The following SLC22A25 variants were observed in gnomAD, a reference collection of about 807,000 sequenced individuals.
The protein encoded by SLC22A25 is MGI:2442751, MGI:2385316, MGI:3042283, MGI:3645714, MGI:3605624, MGI:2442750.
In SLC22A25, 44 loss-of-function variants were observed where a neutral mutation model predicts 45.9. The ratio of observed to expected loss-of-function variants is 0.96; its 90% CI spans 0.75 to 1.23. The LOEUF is 1.23. Ranked by LOEUF, SLC22A25 falls within the 50% of genes most tolerant of loss-of-function variation. SLC22A25 has a pLI of 0.00. For missense variants in SLC22A25, 800 were observed against 666.4 expected, an observed-to-expected ratio of 1.20 and a Z score of -2.21; for synonymous variants, 283 against 238.6, an observed-to-expected ratio of 1.19 and a Z score of -1.72.
chr11:63,230,914 C>T (rs2090056075), intron 3 of SLC22A25, among the ~76,000 whole-genome samples: 1 of 151,774 alleles, frequency 6.6e-6, no homozygotes, highest in South Asian at 2.1e-4. Flanking sequence ...GGTTTTTTGT[C>T]CTTGAGATAG....
At chr11:63,193,943 A>T (rs1017917603) in intron 7 of SLC22A25, among the ~76,000 whole-genome samples, 1 of 152,220 alleles carries the variant, frequency 6.6e-6, no homozygotes, top group Non-Finnish European at 1.5e-5. Flanking sequence ...GGCTAACTAG[A>T]ATAAACAGTG....
At chr11:63,189,565 G>A (rs2088712172) in intron 7 of SLC22A25, among the ~76,000 whole-genome samples, 1 of 152,170 alleles carries the variant, frequency 6.6e-6, no homozygotes, top group African/African-American at 2.4e-5. Flanking sequence ...ATATTGTTAT[G>A]TGTGAATTTG....
At chr11:63,217,772 A>G (rs2089755879) in intron 5 of SLC22A25, 37 bp from the exon 6 acceptor site, 1 of 1,568,266 alleles carries the variant, frequency 6.4e-7, no homozygotes, top group Admixed American at 2.0e-5. Flanking sequence ...TGGGAACAAT[A>G]ACAACCTTTG....
Position 63,162,731 on chromosome 11 carries a change from T to C in SLC22A25, c.*1093A>G, listed in dbSNP as rs2087556200. Among the ~76,000 whole-genome samples, 1 of 152,216 alleles carries C rather than the reference T, an allele frequency of 6.6e-6. No homozygotes were observed. Among genetic ancestry groups the C allele is most frequent in the East Asian group, 1.9e-4 (1 of 5,204 alleles). ...GTTATGATTTTCTTCAAACTTCTTATGATTATTTGTAGATATTTTATATTT... is the reference window on the plus strand; with the variant it reads ...GTTATGATTTTCTTCAAACTTCTTACGATTATTTGTAGATATTTTATATTT... On this transcript the variant is annotated 3_prime_UTR_variant, in exon 12 of 12. Coordinates refer to ENST00000306494, the MANE Select transcript of SLC22A25 (RefSeq NM_199352.6).
At chr11:63,233,079 A>G (rs529864233) in intron 3 of SLC22A25, among the ~76,000 whole-genome samples, 14 of 152,270 alleles carry the variant, frequency 9.2e-5, no homozygotes, top group African/African-American at 3.4e-4. Flanking sequence ...CATCAAGGAT[A>G]TTGGTCTAAA....
rs2155324 is a variant in SLC22A25, at chr11:63,163,210, A to G, written c.*614T>C. ...CTCACACTTGGACACCATGGCATTG[A>G]CCAAAGGGATTTTGGAAAAGGCAAG... On this transcript the variant is annotated 3_prime_UTR_variant, in exon 12 of 12. Transcript: ENST00000306494. Among the ~76,000 whole-genome samples the G allele has an allele frequency of 0.025, 3,878 of 152,284 alleles. 65 individuals are homozygous for G. The highest frequency in any genetic ancestry group is 0.051 in the Middle Eastern group (15 of 294).
intron 5 of SLC22A25, among the ~76,000 whole-genome samples, chr11:63,227,659 C>CAAGGA (rs2089988716): frequency 6.6e-6 from 1 of 152,232 alleles, no homozygotes; most frequent in Non-Finnish European, 1.5e-5. Flanking sequence ...AAGCTGTTTT[C>CAAGGA]TCATTAGATC....
In SLC22A25 at chr11:63,160,244, A is replaced by G. The variant is rs1939761; in HGVS notation, c.*3580T>C. Among the ~76,000 whole-genome samples, 149,325 of 152,316 alleles carry G rather than the reference A, an allele frequency of 0.98. 73,263 individuals are homozygous for G. The highest frequency in any genetic ancestry group is 1 in the East Asian group (5,168 of 5,168). ...CCTTTGTGACAGCCCTTCCTATCAC[A>G]GGCCTGGAGGCCTAGGAGGTCCAGG... On this transcript the variant is annotated 3_prime_UTR_variant, in exon 12 of 12. Transcript: ENST00000306494.
Position 63,185,894 on chromosome 11 carries a change from T to C in SLC22A25, c.831-2077A>G, listed in dbSNP as rs1453381873. ...GAACTCATCATTTTTTATGGCTGCA[T>C]AGTATTCCATGGTGTATATGTGCCA... On this transcript the variant is annotated intron_variant, in intron 7 of 11. Coordinates refer to ENST00000306494, the MANE Select transcript of SLC22A25 (RefSeq NM_199352.6). Among the ~76,000 whole-genome samples the C allele has an allele frequency of 1.2e-4, 18 of 150,550 alleles. No individual in the cohort carries two copies. The East Asian group carries it at 3.5e-3, about 29-fold the overall frequency.
Position 63,166,848 on chromosome 11 carries a change from AT to A in SLC22A25, c.1071-591del. 7.1e-6 allele frequency: 7 copies of A among 985,284 alleles called. No individual in the cohort carries two copies. The South Asian group carries it at 2.8e-4, about 40-fold the overall frequency. 61.0% of individuals were successfully genotyped at this position (985,284 alleles called of 1,614,324 possible). A position where few individuals can be genotyped will look rare whatever the true frequency, so the allele number is the denominator to read the frequency against. On this transcript the variant is annotated intron_variant, in intron 9 of 11. Transcript: ENST00000306494. Reference sequence around the variant, plus strand: ...TGGTGTCTAACTTCATTATGGTTTTATTTTTTGGAATAAGAGGTAGTCGATA... The same window carrying A: ...TGGTGTCTAACTTCATTATGGTTTTATTTTTGGAATAAGAGGTAGTCGATA...
chr11:63,186,974 A>G (rs1338321545), intron 7 of SLC22A25, among the ~76,000 whole-genome samples: 10 of 152,176 alleles, frequency 6.6e-5, no homozygotes, highest in Admixed American at 6.5e-4. Context: ...GAAGTCAGGT[A>G]GCATGGTGCC....
At chr11:63,178,646 A>G (rs1158787985) in intron 9 of SLC22A25, among the ~76,000 whole-genome samples, 1 of 152,092 alleles carries the variant, frequency 6.6e-6, no homozygotes, top group East Asian at 1.9e-4. Flanking sequence ...TTGCCCATTT[A>G]AAAATAAGCT....
At chr11:63,228,688 C>T (rs752147957) in intron 4 of SLC22A25, 124 bp from the exon 5 acceptor site, 296 of 687,976 alleles carry the variant, frequency 4.3e-4, no homozygotes, top group Non-Finnish European at 6.3e-4. Flanking sequence ...TTCTGCATTA[C>T]CTGATATTCA....
chr11:63,166,625 C>G (rs2087694227), intron 9 of SLC22A25: 1 of 1,023,746 alleles, frequency 9.8e-7, no homozygotes, highest in Non-Finnish European at 1.2e-6. Context: ...TAAAAATGTA[C>G]TGATGTCAGT....
At position 63,160,320 on chromosome 11, in the gene SLC22A25, C is replaced by T. The variant is rs1350028358; in HGVS notation, c.*3504G>A. 6.6e-6 allele frequency among the ~76,000 whole-genome samples: 1 copy of T among 152,194 alleles called. No individual in the cohort carries two copies. Among genetic ancestry groups the T allele is most frequent in the Non-Finnish European group, 1.5e-5 (1 of 68,022 alleles). On this transcript the variant is annotated 3_prime_UTR_variant, in exon 12 of 12. Coordinates refer to ENST00000306494, the MANE Select transcript of SLC22A25 (RefSeq NM_199352.6). Reference sequence around the variant, plus strand: ...GACTTGGTGCCCTGTGTCTCAGCCACTCTAGCCATGGCTAAAAGGGGCCAA... The same window carrying T: ...GACTTGGTGCCCTGTGTCTCAGCCATTCTAGCCATGGCTAAAAGGGGCCAA...
chr11:63,226,301 G>A (rs1201418277), intron 5 of SLC22A25, among the ~76,000 whole-genome samples: 1 of 152,104 alleles, frequency 6.6e-6, no homozygotes, highest in African/African-American at 2.4e-5. Flanking sequence ...GACTTTTCAG[G>A]TATTCAAAGG....
At chr11:63,184,037 T>C (rs928903971) in intron 7 of SLC22A25, among the ~76,000 whole-genome samples, 2 of 152,146 alleles carry the variant, frequency 1.3e-5, no homozygotes, top group Non-Finnish European at 2.9e-5. Context: ...ACTTGAGTCA[T>C]ATTGGCATCC....
intron 3 of SLC22A25, among the ~76,000 whole-genome samples, chr11:63,230,994 G>A (rs1590914322): frequency 6.6e-6 from 1 of 152,126 alleles, no homozygotes; most frequent in Admixed American, 6.5e-5. Flanking sequence ...CATTTTTTAT[G>A]GCTGTATAGT....
chr11:63,185,941 C>T (rs1200135566), intron 7 of SLC22A25, among the ~76,000 whole-genome samples: 2 of 151,698 alleles, frequency 1.3e-5, no homozygotes, highest in East Asian at 1.9e-4. Context: ...TCCAGTCTAT[C>T]AGTGTTGGAC....
Sources: allele counts gnomAD v4.1 joint callset (sites outside exome capture counted in the v4.1 genomes callset), GRCh38; gene constraint gnomAD v4.1.1; transcripts MANE v1.5; gene names NCBI Gene and HGNC (gene_info 2026-07-23, HGNC 2026-07-21).